The following CDC42BPB variants were observed in gnomAD, a reference collection of about 807,000 sequenced individuals.
CDC42BPB encodes CDC42 binding protein kinase beta, also known as serine/threonine-protein kinase MRCK beta.
In CDC42BPB, 37 loss-of-function variants were observed where a neutral mutation model predicts 214.9. That is an observed-to-expected ratio of 0.17 (90% CI 0.13 to 0.23). The LOEUF is 0.23. CDC42BPB is among the 10% of genes least tolerant of loss of function. The probability of loss-of-function intolerance (pLI) is 1.00; values close to 1 mark genes in which losing one functional copy is unlikely to be tolerated. For synonymous variants in CDC42BPB, 931 were observed against 884.0 expected (o/e 1.05, Z -0.94); for missense variants, 1,694 against 2,227.0 (o/e 0.76, Z 4.82).
chr14:103,044,356 C>T (rs918494368), intron 1 of CDC42BPB, among the ~76,000 whole-genome samples: 56 of 149,960 alleles, frequency 3.7e-4, no homozygotes, highest in Non-Finnish European at 6.7e-4. Flanking sequence ...CACACCAACA[C>T]AGCCGGCACC....
rs34804276 is a variant in CDC42BPB at position 102,995,343 on chromosome 14, T to C, written c.596+4222A>G. On this transcript the variant is annotated intron_variant, in intron 5 of 36. Transcript: ENST00000361246. Reference sequence around the variant, plus strand: ...GTGCTCATCACTAAGCCTGGCTAATTTTTTGTATTTTTAGTAGAGACAGGT... The same window carrying C: ...GTGCTCATCACTAAGCCTGGCTAATCTTTTGTATTTTTAGTAGAGACAGGT... 9.6e-3 allele frequency among the ~76,000 whole-genome samples: 1,454 copies of C among 152,206 alleles called. 25 individuals carry two copies. Among genetic ancestry groups the C allele is most frequent in the African/African-American group, 0.032 (1,343 of 41,522 alleles).
At chr14:102,942,567 C>A (rs1435233713) in intron 30 of CDC42BPB, among the ~76,000 whole-genome samples, 1 of 152,218 alleles carries the variant, frequency 6.6e-6, no homozygotes, top group Non-Finnish European at 1.5e-5. Flanking sequence ...TTTTAAAAGA[C>A]AGGGTCTCAC....
chr14:102,974,640 C>T (rs952732074), intron 11 of CDC42BPB, among the ~76,000 whole-genome samples: 6 of 152,186 alleles, frequency 3.9e-5, no homozygotes, highest in African/African-American at 1.4e-4. Context: ...CAGAGCCAAC[C>T]TGTGTGAGGT....
chr14:102,952,629 G>T, intron 23 of CDC42BPB, 26 bp from the exon 24 acceptor site: 1 of 1,604,650 alleles, frequency 6.2e-7, no homozygotes, highest in South Asian at 1.1e-5. Context: ...CAAGAACACT[G>T]AGGTGAACCA....
At chr14:102,941,574 G>C in intron 30 of CDC42BPB, 1 of 985,324 alleles carries the variant, frequency 1.0e-6, no homozygotes. Flanking sequence ...ACGGGCTTCT[G>C]GGAAGGCCCT....
intron 1 of CDC42BPB, among the ~76,000 whole-genome samples, chr14:103,024,996 TCTTAA>T (rs1385813926): frequency 1.3e-5 from 2 of 152,328 alleles, no homozygotes; most frequent in South Asian, 2.1e-4. Flanking sequence ...TTCTTGTTGC[TCTTAA>T]CTTAATCTAG....
intron 17 of CDC42BPB, 100 bp downstream of exon 17, chr14:102,966,946 G>T: frequency 7.3e-7 from 1 of 1,372,444 alleles, no homozygotes; most frequent in Non-Finnish European, 1.0e-6. Context: ...TGAGAGGCAC[G>T]GCCTGGCGTG....
chr14:102,937,058 T>G (rs950826885), intron 36 of CDC42BPB: 2 of 152,148 alleles, frequency 1.3e-5, no homozygotes, highest in African/African-American at 4.8e-5. Context: ...TTTGTGAATT[T>G]CACTTAAATT....
intron 36 of CDC42BPB, 118 bp from the exon 37 acceptor site, chr14:102,933,961 C>A: frequency 1.4e-6 from 2 of 1,415,454 alleles, no homozygotes; most frequent in Non-Finnish European, 9.1e-7. Context: ...CTTCTCCCTT[C>A]ATGTTATGAA....
chr14:102,967,363 C>T (rs1444710982), intron 16 of CDC42BPB, 193 bp from the exon 17 acceptor site: 1 of 985,266 alleles, frequency 1.0e-6, no homozygotes, highest in African/African-American at 1.7e-5. Flanking sequence ...CAAATCTAAA[C>T]CTAAACTGAT....
rs879144181 is a variant in CDC42BPB, at chr14:102,974,115, T to C, written c.1542A>G (p.Thr514=). ...SNRLERQLED[T]VALRQEREDS... ...CCTCACGCTCTTGGCGAAGCGCCAC[T>C]GTGTCCTCAAGCTGTCGCTCGAGCC... Residue 514 remains threonine (T), a synonymous_variant, in exon 12 of 37, where the codon ACA becomes ACG. Coordinates refer to ENST00000361246, the MANE Select transcript of CDC42BPB (RefSeq NM_006035.4). The C allele has an allele frequency of 5.0e-6, 8 of 1,614,022 alleles. No homozygotes were observed. The South Asian group carries it at 5.5e-5, about 11-fold the overall frequency.
chr14:103,041,486 T>C, intron 1 of CDC42BPB: 2 of 1,313,208 alleles, frequency 1.5e-6, no homozygotes, highest in Admixed American at 1.9e-5. Flanking sequence ...CCAGCCAGAA[T>C]GGCATGGAAG....
rs1448380870 is a variant in CDC42BPB at position 103,001,204 on chromosome 14, G to A, written c.448-1491C>T. On this transcript the variant is annotated intron_variant, in intron 4 of 36. Coordinates refer to ENST00000361246, the MANE Select transcript of CDC42BPB (RefSeq NM_006035.4). This position sits in a 1 kb window ranked among gnomAD's most constrained non-coding sequence, Gnocchi z 5.8. ...CCCCGCCCTGGCTCAGGCACTGCCC[G>A]TCCTTCCCCGCCGAGTTTTTCAATT... 1.3e-5 allele frequency among the ~76,000 whole-genome samples: 2 copies of A among 152,120 alleles called. No homozygotes were observed. The highest frequency in any genetic ancestry group is 1.5e-5 in the Non-Finnish European group (1 of 68,012).
intron 5 of CDC42BPB, among the ~76,000 whole-genome samples, chr14:102,990,334 T>C (rs1375778428): frequency 6.6e-6 from 1 of 152,030 alleles, no homozygotes; most frequent in Non-Finnish European, 1.5e-5. Flanking sequence ...CCCAATGAGA[T>C]GGGGGAGAAC....
At chr14:103,002,788 G>A (rs992143449) in intron 4 of CDC42BPB, among the ~76,000 whole-genome samples, 2 of 152,170 alleles carry the variant, frequency 1.3e-5, no homozygotes, top group African/African-American at 4.8e-5. Flanking sequence ...GGGTCGTTGG[G>A]AAGACGGACG....
Position 102,945,685 on chromosome 14 carries a change from T to A in CDC42BPB, c.3788A>T (p.Tyr1263Phe). Residue 1263 changes from tyrosine to phenylalanine, a missense_variant, in exon 29 of 37, where the codon TAT becomes TTT. This residue lies in a region of CDC42BPB where 567 missense variants were observed against 790.3 expected (regional missense o/e 0.72). Coordinates refer to ENST00000361246, the MANE Select transcript of CDC42BPB (RefSeq NM_006035.4). ...ACCATCTCGGGTGACCTCTATGACA[T>A]AGAGCCCTTCTTCTAGGCCGACTGC... is the stretch of plus-strand genomic sequence containing the variant. The part of the protein sequence containing the change: ...RIAVGLEEGL[Y>F]VIEVTRDVIV... The A allele has an allele frequency of 6.2e-7, 1 of 1,612,938 alleles. No individual in the cohort carries two copies. The highest frequency in any genetic ancestry group is 8.5e-7 in the Non-Finnish European group (1 of 1,179,896).
At chr14:103,052,899 C>A (rs900239229) in intron 1 of CDC42BPB, among the ~76,000 whole-genome samples, 5 of 152,186 alleles carry the variant, frequency 3.3e-5, no homozygotes, top group African/African-American at 1.2e-4. Context: ...AAATATTTAA[C>A]ACATAAGACA....
chr14:102,984,798 CACAGGGT>C (rs1218060743), intron 6 of CDC42BPB, among the ~76,000 whole-genome samples: 2 of 152,148 alleles, frequency 1.3e-5, no homozygotes, highest in East Asian at 3.9e-4. Context: ...GGAAGAGAGA[CACAGGGT>C]CCAAGCAGCA....
In CDC42BPB at chr14:103,004,040, GGT is replaced by G; in HGVS notation, c.352-19_352-18del. 6.3e-7 allele frequency: 1 copy of G among 1,586,922 alleles called. No individual in the cohort carries two copies. Among genetic ancestry groups the G allele is most frequent in the Non-Finnish European group, 8.5e-7 (1 of 1,171,628 alleles). ...GCACGCGGTCTGCAAAGCAACGAGGGGTGTCAGTCTGTGTTCACTGGGAAGCA... is the reference window on the plus strand; with the variant it reads ...GCACGCGGTCTGCAAAGCAACGAGGGGTCAGTCTGTGTTCACTGGGAAGCA... On this transcript the variant is annotated intron_variant, in intron 3 of 36. Coordinates refer to ENST00000361246, the MANE Select transcript of CDC42BPB (RefSeq NM_006035.4). The surrounding 1 kb of genome is among the most constrained non-coding windows in gnomAD (Gnocchi z 5.3).
Sources: allele counts gnomAD v4.1 joint callset (sites outside exome capture counted in the v4.1 genomes callset), GRCh38; gene constraint gnomAD v4.1.1; regional missense constraint gnomAD v4.1.1; non-coding constraint Gnocchi (gnomAD v3.1); transcripts MANE v1.5; gene names NCBI Gene and HGNC (gene_info 2026-07-23, HGNC 2026-07-21).